Variants in SOD2 observed in about 807,000 individuals in gnomAD.
SOD2 encodes superoxide dismutase [Mn], mitochondrial.
A neutral mutation model predicts 27.0 loss-of-function variants in SOD2; 11 were observed. The ratio of observed to expected loss-of-function variants is 0.41; its 90% CI spans 0.26 to 0.67. SOD2 has a LOEUF of 0.67. Among genes scored for constraint, SOD2 ranks in the 30% least tolerant of loss-of-function variants. The pLI, the probability that SOD2 is intolerant of heterozygous loss-of-function variation, is 0.34. For missense variants in SOD2, 250 were observed against 274.5 expected, an observed-to-expected ratio of 0.91 and a Z score of 0.63; for synonymous variants, 105 against 103.0, an observed-to-expected ratio of 1.02 and a Z score of -0.12.
upstream of SOD2, chr6:159,727,630 C>T (rs980020916): frequency 6.1e-6 from 6 of 985,790 alleles, no homozygotes; most frequent in Non-Finnish European, 6.0e-6. Context: ...GCCCGGGGGG[C>T]CCGGGCGGCA....
At chr6:159,756,602 T>TTTTTG (rs1472712552) in intron 1 of SOD2, among the ~76,000 whole-genome samples, 3 of 148,080 alleles carry the variant, frequency 2.0e-5, no homozygotes, top group Admixed American at 1.4e-4. Flanking sequence ...GGCTTTTTTT[T>TTTTTG]TTTTTTTTTT....
At chr6:159,725,120 TCTC>T (rs1018575663) in intron 1 of SOD2, among the ~76,000 whole-genome samples, 8 of 152,044 alleles carry the variant, frequency 5.3e-5, no homozygotes, top group Non-Finnish European at 1.2e-4. Flanking sequence ...CTAAATCCAA[TCTC>T]CTGCATATAA....
At chr6:159,719,023 T>G (rs1777976485) in intron 1 of SOD2, among the ~76,000 whole-genome samples, 2 of 134,162 alleles carry the variant, frequency 1.5e-5, no homozygotes, top group Admixed American at 1.5e-4. Context: ...AGACTTACTG[T>G]TTTTTTTTTC....
chr6:159,720,373 A>G (rs964251590), intron 1 of SOD2: 1 of 152,180 alleles, frequency 6.6e-6, no homozygotes, highest in Non-Finnish European at 1.5e-5. Flanking sequence ...TAATACAGTA[A>G]TATGTAAATA....
chr6:159,695,531 T>C (rs56340441), upstream of SOD2, among the ~76,000 whole-genome samples: 8,076 of 152,250 alleles, frequency 0.053, 269 homozygotes, highest in Non-Finnish European at 0.082. Context: ...TCTTTTTCTT[T>C]TTGTCGCCCA....
upstream of SOD2, among the ~76,000 whole-genome samples, chr6:159,695,343 T>G (rs555863191): frequency 6.6e-6 from 1 of 152,276 alleles, no homozygotes; most frequent in African/African-American, 2.4e-5. Flanking sequence ...GCACCAAACG[T>G]TGGGGGCTGG....
Position 159,692,672 on chromosome 6 carries a change from G to T in SOD2, c.215C>A (p.Ala72Glu). The T allele has an allele frequency of 3.7e-6, 6 of 1,613,868 alleles. No individual in the cohort carries two copies. Among genetic ancestry groups the T allele is most frequent in the Non-Finnish European group, 5.1e-6 (6 of 1,179,924 alleles). Residue 72 changes from alanine (A) to glutamate (E), a missense_variant, in exon 2 of 5, where the codon GCG becomes GAG. Ala to Glu is a moderately radical substitution (Grantham distance 107, BLOSUM62 -1). Coordinates refer to ENST00000538183, the MANE Select transcript of SOD2 (RefSeq NM_000636.4). Reference protein sequence around the residue: ...LNVTEEKYQEALAKGDVTAQI... With the variant: ...LNVTEEKYQEELAKGDVTAQI... ...AGCCTGGAACCTACCCTTGGCCAACGCCTCCTGGTACTTCTCCTCGGTGAC... is the reference window on the plus strand; with the variant it reads ...AGCCTGGAACCTACCCTTGGCCAACTCCTCCTGGTACTTCTCCTCGGTGAC...
intron 1 of SOD2, among the ~76,000 whole-genome samples, chr6:159,709,101 A>C (rs1359743184): frequency 6.6e-6 from 1 of 152,244 alleles, no homozygotes; most frequent in Non-Finnish European, 1.5e-5. Flanking sequence ...CTTACACCTT[A>C]TACAAAAATT....
At chr6:159,710,403 C>T (rs977870225) in intron 1 of SOD2, among the ~76,000 whole-genome samples, 3 of 151,708 alleles carry the variant, frequency 2.0e-5, no homozygotes, top group Admixed American at 1.3e-4. Flanking sequence ...GAGCCAAGAT[C>T]GTGCCACTGC....
In SOD2 at chr6:159,682,410, C is replaced by T. The variant is rs1331352544; in HGVS notation, c.*83G>A. On this transcript the variant is annotated 3_prime_UTR_variant, in exon 5 of 5. Transcript: ENST00000538183. ...AACATCAAGAAATGCTACAATAGAG[C>T]AGCTTACTGTATTCTGCAGTACTCT... 3 of 1,116,890 alleles carry T rather than the reference C, an allele frequency of 2.7e-6. No homozygotes were observed. Among genetic ancestry groups the T allele is most frequent in the Non-Finnish European group, 3.7e-6 (3 of 809,532 alleles). The allele number at this position is 1,116,890 out of a possible 1,614,324, so 69.2% of individuals were successfully genotyped here.
chr6:159,690,260 C>T (rs1410552865), intron 2 of SOD2, among the ~76,000 whole-genome samples: 3 of 141,972 alleles, frequency 2.1e-5, no homozygotes, highest in Non-Finnish European at 3.0e-5. Context: ...GCACTCCAAC[C>T]TGCGGGACAG....
chr6:159,759,900 A>G (rs1301569829), intron 1 of SOD2, among the ~76,000 whole-genome samples: 2 of 152,216 alleles, frequency 1.3e-5, no homozygotes, highest in African/African-American at 4.8e-5. Context: ...CCAGAAGAAT[A>G]TATTCATACT....
upstream of SOD2, among the ~76,000 whole-genome samples, chr6:159,694,921 C>G (rs1189977136): frequency 1.3e-5 from 2 of 152,004 alleles, no homozygotes; most frequent in Admixed American, 6.6e-5. Context: ...ACCCTTAAAA[C>G]GCAGACAAGA....
At chr6:159,727,184 C>G in exon 1 of SOD2, 1 of 1,222,924 alleles carries the variant, frequency 8.2e-7, no homozygotes, top group Non-Finnish European at 1.0e-6. Context: ...TGGGAAAGGA[C>G]GGGGAGTGTT....
chr6:159,727,733 C>T, upstream of SOD2: 3 of 985,216 alleles, frequency 3.0e-6, no homozygotes, highest in Non-Finnish European at 2.4e-6. Flanking sequence ...CGGGAGCGGA[C>T]GCGGGGGACC....
chr6:159,701,720 C>T (rs1443598068), intron 1 of SOD2, among the ~76,000 whole-genome samples: 1 of 152,156 alleles, frequency 6.6e-6, no homozygotes, highest in Admixed American at 6.5e-5. Context: ...TGTTAATAGT[C>T]ACACATCAGT....
chr6:159,738,449 A>G (rs149596720), intron 1 of SOD2, among the ~76,000 whole-genome samples: 1 of 152,160 alleles, frequency 6.6e-6, no homozygotes, highest in African/African-American at 2.4e-5. Flanking sequence ...AAAGTGTTCC[A>G]TGGTGTGGCT....
intron 1 of SOD2, among the ~76,000 whole-genome samples, chr6:159,759,643 C>G (rs1780083099): frequency 7.3e-6 from 1 of 137,772 alleles, no homozygotes; most frequent in African/African-American, 2.8e-5. Context: ...GCACTCCAGC[C>G]TGGGTGACAG....
At chr6:159,753,390 CTG>C in intron 1 of SOD2, 1 of 1,598,598 alleles carries the variant, frequency 6.3e-7, no homozygotes, top group Non-Finnish European at 8.6e-7. Flanking sequence ...ACATCTATCA[CTG>C]TAATAATTGT....
Sources: allele counts gnomAD v4.1 joint callset (sites outside exome capture counted in the v4.1 genomes callset), GRCh38; gene constraint gnomAD v4.1.1; transcripts MANE v1.5; gene names NCBI Gene and HGNC (gene_info 2026-07-23, HGNC 2026-07-21).